Variants in ANKRD36 observed in about 807,000 individuals in gnomAD.
ANKRD36 encodes the protein ankyrin repeat domain 36.
In ANKRD36, 179 loss-of-function variants were observed where a neutral mutation model predicts 278.1. The ratio of observed to expected loss-of-function variants is 0.64; its 90% CI spans 0.57 to 0.73. The LOEUF is 0.73. Ranked by LOEUF, ANKRD36 falls within the 30% of genes least tolerant of loss-of-function variation. The pLI is 0.00. For synonymous variants in ANKRD36, 320 were observed against 641.1 expected (o/e 0.50, Z 7.57); for missense variants, 1,159 against 1,956.7 (o/e 0.59, Z 7.69).
rs555049869 is a variant in ANKRD36 at position 97,179,901 on chromosome 2, C to G, written c.1703C>G (p.Thr568Arg). Residue 568 changes from threonine (T) to arginine (R), a missense_variant, in exon 24 of 76, where the codon ACA (threonine) becomes AGA (arginine). Coordinates refer to ENST00000420699, the MANE Select transcript of ANKRD36 (RefSeq NM_001354587.1). ...AAAGATTCTGTTTCAAATATAGCCACAGAAATAAAGGAGGGACCAATATCT... is the reference window on the plus strand; with the variant it reads ...AAAGATTCTGTTTCAAATATAGCCAGAGAAATAAAGGAGGGACCAATATCT... ...DDKDSVSNIATEIKEGPISGT... is the reference protein window; with the variant it reads ...DDKDSVSNIAREIKEGPISGT... 1 of 1,605,872 alleles carries G rather than the reference C, an allele frequency of 6.2e-7. No individual in the cohort carries two copies. The highest frequency in any genetic ancestry group is 8.5e-7 in the Non-Finnish European group (1 of 1,178,302).
intron 11 of ANKRD36, among the ~76,000 whole-genome samples, chr2:97,147,241 A>G (rs1216814046): frequency 6.6e-6 from 1 of 151,860 alleles, no homozygotes; most frequent in African/African-American, 2.4e-5. Context: ...CACCCTGCCT[A>G]GTTTGCTGAA....
intron 54 of ANKRD36, among the ~76,000 whole-genome samples, chr2:97,208,777 A>C (rs1204704350): frequency 6.8e-6 from 1 of 146,532 alleles, no homozygotes; most frequent in Non-Finnish European, 1.5e-5. Context: ...TCGTGGATAA[A>C]ATAGCTATTT....
At position 97,191,182 on chromosome 2, in the gene ANKRD36, G is replaced by A. The variant is rs751836545; in HGVS notation, c.2347+1G>A. 3 of 1,586,876 alleles carry A rather than the reference G, an allele frequency of 1.9e-6. No homozygotes were observed. The highest frequency in any genetic ancestry group is 1.4e-5 in the African/African-American group (1 of 73,768). On this transcript the variant is annotated splice_donor_variant, in intron 36 of 75. Coordinates refer to ENST00000420699, the MANE Select transcript of ANKRD36 (RefSeq NM_001354587.1). LOFTEE classifies it high-confidence loss of function. ...AAGGATGGAGAAAAATCTGGGACAGGTAATTTTGCAAAAGACATTTAATGT... is the reference window on the plus strand; with the variant it reads ...AAGGATGGAGAAAAATCTGGGACAGATAATTTTGCAAAAGACATTTAATGT...
chr2:97,183,185 T>A (rs1245541719), intron 26 of ANKRD36, among the ~76,000 whole-genome samples: 1 of 151,850 alleles, frequency 6.6e-6, no homozygotes, highest in East Asian at 1.9e-4. Context: ...ATTCGGCATA[T>A]CCACATTGAT....
intron 3 of ANKRD36, 119 bp from the exon 4 acceptor site, chr2:97,122,768 C>T: frequency 1.1e-6 from 1 of 905,040 alleles, no homozygotes; most frequent in Non-Finnish European, 1.6e-6. Flanking sequence ...AAGGGACTAC[C>T]TCTTATGACC....
chr2:97,232,974 G>A (rs1287631971), intron 67 of ANKRD36, among the ~76,000 whole-genome samples: 2 of 150,154 alleles, frequency 1.3e-5, no homozygotes, highest in African/African-American at 4.9e-5. Flanking sequence ...TTAGGTATGT[G>A]GCTTACCTGC....
chr2:97,193,095 A>C (rs2058899047), intron 38 of ANKRD36, 42 bp downstream of exon 38: 2 of 1,480,366 alleles, frequency 1.4e-6, no homozygotes, highest in Admixed American at 2.1e-5. Flanking sequence ...CAGTGCAGAT[A>C]GATAAGAAGT....
intron 46 of ANKRD36, 142 bp from the exon 47 acceptor site, chr2:97,202,060 G>GTCCCCAGA: frequency 6.6e-7 from 1 of 1,510,664 alleles, no homozygotes; most frequent in African/African-American, 1.4e-5. Flanking sequence ...TCACGTTCTA[G>GTCCCCAGA]TCCCCAGACA....
intron 58 of ANKRD36, among the ~76,000 whole-genome samples, chr2:97,212,203 A>T (rs1040518960): frequency 2.9e-4 from 44 of 151,904 alleles, no homozygotes; most frequent in African/African-American, 1.0e-3. Context: ...AGGAATAGGG[A>T]TTGTGAGTCA....
At chr2:97,167,631 A>G (rs1559442616) in intron 21 of ANKRD36, 26 bp downstream of exon 21, 2 of 1,536,080 alleles carry the variant, frequency 1.3e-6, no homozygotes, top group Non-Finnish European at 1.7e-6. Flanking sequence ...TTCATTTTTA[A>G]TTAACAAAAT....
At position 97,140,576 on chromosome 2, in the gene ANKRD36, T is replaced by C. The variant is rs193103140; in HGVS notation, c.800-2064T>C. Among the ~76,000 whole-genome samples, 231 of 152,018 alleles carry C rather than the reference T, an allele frequency of 1.5e-3. 1 individual carries two copies. Among genetic ancestry groups the C allele is most frequent in the African/African-American group, 5.3e-3 (221 of 41,514 alleles). ...AAGAGACGATAGATACTCAAACCAA[T>C]GTGAGTGAAGAACAGCTGTGAAAGA... On this transcript the variant is annotated intron_variant, in intron 6 of 75. Transcript: ENST00000420699.
chr2:97,170,910 C>G (rs1450606691), intron 22 of ANKRD36, among the ~76,000 whole-genome samples: 2 of 148,362 alleles, frequency 1.3e-5, no homozygotes, highest in African/African-American at 4.9e-5. Flanking sequence ...AGACACTTCT[C>G]AAAAGAAGAC....
chr2:97,221,532 T>G (rs1459002321), intron 66 of ANKRD36, among the ~76,000 whole-genome samples: 88 of 126,662 alleles, frequency 6.9e-4, no homozygotes, highest in Non-Finnish European at 1.1e-3. Flanking sequence ...TGGCCAGTGA[T>G]GATGAGCATT....
intron 36 of ANKRD36, 37 bp from the exon 37 acceptor site, chr2:97,192,821 T>C (rs1157823569): frequency 1.5e-5 from 24 of 1,589,820 alleles, no homozygotes; most frequent in Non-Finnish European, 2.0e-5. Flanking sequence ...TTGTCATAGT[T>C]ACATATGAGT....
intron 6 of ANKRD36, among the ~76,000 whole-genome samples, chr2:97,134,406 A>T (rs1425796682): frequency 1.3e-5 from 2 of 152,108 alleles, no homozygotes; most frequent in East Asian, 3.8e-4. Context: ...ATGGGTCCAG[A>T]TAGACTAGCA....
intron 10 of ANKRD36, among the ~76,000 whole-genome samples, chr2:97,145,513 T>A (rs1485595024): frequency 6.6e-6 from 1 of 152,052 alleles, no homozygotes; most frequent in South Asian, 2.1e-4. Flanking sequence ...AACAGTTTAG[T>A]GAATAACATG....
intron 52 of ANKRD36, among the ~76,000 whole-genome samples, chr2:97,206,951 C>T (rs527862627): frequency 4.6e-5 from 7 of 151,454 alleles, no homozygotes; most frequent in Non-Finnish European, 7.4e-5. Context: ...CATGATACTC[C>T]CAAGAAGGCT....
At chr2:97,138,892 A>G (rs1241115694) in intron 6 of ANKRD36, among the ~76,000 whole-genome samples, 4 of 152,092 alleles carry the variant, frequency 2.6e-5, no homozygotes, top group African/African-American at 4.8e-5. Context: ...AGGAAACTGA[A>G]ACTGGACCCC....
intron 6 of ANKRD36, among the ~76,000 whole-genome samples, chr2:97,141,226 G>GAC (rs1478287592): frequency 1.3e-5 from 2 of 149,504 alleles, no homozygotes; most frequent in South Asian, 2.1e-4. Context: ...TGGCAATCAT[G>GAC]ACATATATAT....
Sources: allele counts gnomAD v4.1 joint callset (sites outside exome capture counted in the v4.1 genomes callset), GRCh38; gene constraint gnomAD v4.1.1; transcripts MANE v1.5; gene names NCBI Gene and HGNC (gene_info 2026-07-23, HGNC 2026-07-21).